ENOX1: variants seen among roughly 807,000 people sequenced by gnomAD.
ENOX1 encodes ecto-NOX disulfide-thiol exchanger 1.
ENOX1 carries 42 observed loss-of-function variants against 82.5 expected under a neutral mutation model. The ratio of observed to expected loss-of-function variants is 0.51; its 90% CI spans 0.40 to 0.66. The LOEUF is 0.66. Ranked by LOEUF, ENOX1 falls within the 30% of genes least tolerant of loss-of-function variation. The pLI is 0.00. For missense variants in ENOX1, 608 were observed against 811.6 expected (o/e 0.75, Z 3.05); for synonymous variants, 271 against 282.2 (o/e 0.96, Z 0.40).
At chr13:43,584,410 G>A (rs181885246) in intron 2 of ENOX1, among the ~76,000 whole-genome samples, 299 of 152,238 alleles carry the variant, frequency 2.0e-3, no homozygotes, top group African/African-American at 7.0e-3. Context: ...TCATAATGTC[G>A]AGTTTCAAAA....
rs543861751 is a variant in ENOX1, at chr13:43,488,309, T to C, written c.-218-4157A>G. ...CACACAGCATTCAGGTAGCTGGCCC[T>C]TCTGCCTTCCACCACGTGCAAACAC... On this transcript the variant is annotated intron_variant, in intron 2 of 16. Transcript: ENST00000690772. Among the ~76,000 whole-genome samples, 389 of 152,300 alleles carry C rather than the reference T, an allele frequency of 2.6e-3. 1 individual carries two copies. The highest frequency in any genetic ancestry group is 4.7e-3 in the Non-Finnish European group (322 of 68,014).
chr13:43,370,512 A>T (rs1444404508), intron 5 of ENOX1, among the ~76,000 whole-genome samples: 1 of 152,162 alleles, frequency 6.6e-6, no homozygotes, highest in African/African-American at 2.4e-5. Flanking sequence ...TCAATTCCTT[A>T]GGCTGGAAGC....
chr13:43,363,643 C>T (rs1359011607), intron 5 of ENOX1, among the ~76,000 whole-genome samples: 3 of 152,144 alleles, frequency 2.0e-5, no homozygotes, highest in African/African-American at 2.4e-5. Flanking sequence ...GCCTGGCCCT[C>T]GCTATTATTT....
At chr13:43,771,271 G>C (rs1319410547) in intron 1 of ENOX1, among the ~76,000 whole-genome samples, 1 of 152,060 alleles carries the variant, frequency 6.6e-6, no homozygotes, top group African/African-American at 2.4e-5. Flanking sequence ...AGCTGCAAAG[G>C]GGTTCTCAGC....
chr13:43,501,451 G>A (rs527601683), intron 2 of ENOX1, among the ~76,000 whole-genome samples: 1 of 151,736 alleles, frequency 6.6e-6, no homozygotes, highest in Non-Finnish European at 1.5e-5. Flanking sequence ...AGCAGCAGTA[G>A]AGCAAACATT....
At chr13:43,479,935 T>TA (rs2058442355) in intron 3 of ENOX1, among the ~76,000 whole-genome samples, 3 of 68,854 alleles carry the variant, frequency 4.4e-5, no homozygotes, top group African/African-American at 2.4e-4. Context: ...TTATTTTTAT[T>TA]TTTATTTTTT....
chr13:43,438,677 T>C (rs777795579), intron 3 of ENOX1, among the ~76,000 whole-genome samples: 1 of 152,208 alleles, frequency 6.6e-6, no homozygotes, highest in South Asian at 2.1e-4. Flanking sequence ...AAAGCTATGT[T>C]GTATGCCTGG....
chr13:43,504,482 T>A (rs752367663), intron 2 of ENOX1, among the ~76,000 whole-genome samples: 1 of 151,846 alleles, frequency 6.6e-6, no homozygotes, highest in Non-Finnish European at 1.5e-5. Flanking sequence ...GGGATATTAT[T>A]CAGCCTTGAA....
At chr13:43,513,400 G>A (rs2077443538) in intron 2 of ENOX1, among the ~76,000 whole-genome samples, 1 of 152,116 alleles carries the variant, frequency 6.6e-6, no homozygotes, top group African/African-American at 2.4e-5. Flanking sequence ...AGACCGGAGA[G>A]GTGAGCACAG....
intron 9 of ENOX1, among the ~76,000 whole-genome samples, chr13:43,336,856 T>C (rs1186200780): frequency 6.6e-6 from 1 of 152,160 alleles, no homozygotes; most frequent in Non-Finnish European, 1.5e-5. Context: ...CAAGGCTAAT[T>C]AGTGGTCAAA....
At chr13:43,686,458 G>A (rs1380865770) in intron 1 of ENOX1, among the ~76,000 whole-genome samples, 1 of 152,134 alleles carries the variant, frequency 6.6e-6, no homozygotes, top group African/African-American at 2.4e-5. Context: ...TTTTAACAAA[G>A]TGAAGATAAT....
chr13:43,599,104 G>A (rs2081593078), intron 2 of ENOX1, among the ~76,000 whole-genome samples: 1 of 152,014 alleles, frequency 6.6e-6, no homozygotes, highest in East Asian at 1.9e-4. Flanking sequence ...ATTGAACTAG[G>A]AGAAAAGAGG....
intron 15 of ENOX1, among the ~76,000 whole-genome samples, chr13:43,224,346 T>A (rs1365538313): frequency 6.6e-6 from 1 of 152,238 alleles, no homozygotes; most frequent in Non-Finnish European, 1.5e-5. Flanking sequence ...CCTGGAATGA[T>A]AGTAGTTAGC....
At chr13:43,407,878 A>C (rs1468230534) in intron 5 of ENOX1, among the ~76,000 whole-genome samples, 5 of 152,220 alleles carry the variant, frequency 3.3e-5, no homozygotes, top group Non-Finnish European at 7.3e-5. Context: ...GGCAACAAAA[A>C]AACTTCACAA....
chr13:43,593,656 C>G (rs1555335164), intron 2 of ENOX1, among the ~76,000 whole-genome samples: 1 of 132,128 alleles, frequency 7.6e-6, no homozygotes, highest in Non-Finnish European at 1.7e-5. Context: ...CCCACCCTGC[C>G]ACCCAATCTC....
intron 1 of ENOX1, among the ~76,000 whole-genome samples, chr13:43,703,948 G>GA (rs1425008301): frequency 1.3e-5 from 2 of 151,556 alleles, no homozygotes; most frequent in South Asian, 2.1e-4. Flanking sequence ...GCTCAAACCT[G>GA]AAAAAAATGA....
rs527627965 is a variant in ENOX1, at chr13:43,370,321, C to T, written c.209-8869G>A. 8.6e-5 allele frequency among the ~76,000 whole-genome samples: 13 copies of T among 152,014 alleles called. No homozygotes were observed. In the East Asian group the frequency reaches 1.9e-3, roughly 23 times the overall value. On this transcript the variant is annotated intron_variant, in intron 5 of 16. Coordinates refer to ENST00000690772, the MANE Select transcript of ENOX1 (RefSeq NM_001347969.2). ...GGCGGAGCTTGTAGTGAGCCGAGAT[C>T]GCGCCACTGCAGTCCAGCCTGGGCA...
chr13:43,349,857 G>A (rs916005631), intron 8 of ENOX1, among the ~76,000 whole-genome samples: 1 of 151,456 alleles, frequency 6.6e-6, no homozygotes, highest in Non-Finnish European at 1.5e-5. Context: ...TAAGAGCTTT[G>A]TGAGTCTCTA....
intron 1 of ENOX1, among the ~76,000 whole-genome samples, chr13:43,718,223 T>G (rs78159710): frequency 4.9e-5 from 1 of 20,272 alleles, no homozygotes. Flanking sequence ...AATAATGTCC[T>G]TTGTAGCAAT....
Sources: gnomAD v4.1 joint callset for allele counts (sites outside exome capture counted in the v4.1 genomes callset) on GRCh38, gnomAD v4.1.1 for gene constraint, MANE v1.5 for transcripts, NCBI Gene and HGNC (gene_info 2026-07-23, HGNC 2026-07-21) for gene names.